The following KIAA0825 variants were observed in gnomAD, a reference collection of about 807,000 sequenced individuals.
KIAA0825 encodes KIAA0825.
In KIAA0825, 119 loss-of-function variants were observed where a neutral mutation model predicts 147.6. The ratio of observed to expected loss-of-function variants is 0.81; its 90% CI spans 0.69 to 0.94. The LOEUF is 0.94. Among genes scored for constraint, KIAA0825 ranks in the 40% least tolerant of loss-of-function variants. KIAA0825 has a pLI of 0.00. For synonymous variants in KIAA0825, 470 were observed against 518.1 expected (o/e 0.91, Z 1.26); for missense variants, 1,381 against 1,472.7 (o/e 0.94, Z 1.02).
intron 20 of KIAA0825, among the ~76,000 whole-genome samples, chr5:94,308,975 G>A (rs1406712475): frequency 6.6e-6 from 1 of 151,914 alleles, no homozygotes; most frequent in East Asian, 1.9e-4. Flanking sequence ...CCACAATTCA[G>A]TGTGCTCTAT....
chr5:94,280,635 A>G (rs953659298), intron 20 of KIAA0825, among the ~76,000 whole-genome samples: 1 of 152,022 alleles, frequency 6.6e-6, no homozygotes, highest in Non-Finnish European at 1.5e-5. Context: ...TATCAGTGCT[A>G]CTATATCTGA....
intron 2 of KIAA0825, among the ~76,000 whole-genome samples, chr5:94,549,590 G>A (rs1471787047): frequency 6.6e-6 from 1 of 152,130 alleles, no homozygotes; most frequent in Non-Finnish European, 1.5e-5. Flanking sequence ...GCAGGTGCCT[G>A]CAATCCCAGC....
At chr5:94,588,929 C>T (rs926300707) in intron 1 of KIAA0825, among the ~76,000 whole-genome samples, 5 of 152,074 alleles carry the variant, frequency 3.3e-5, no homozygotes, top group African/African-American at 1.2e-4. Flanking sequence ...GACAGAAAAC[C>T]AAACACTGCA....
intron 20 of KIAA0825, among the ~76,000 whole-genome samples, chr5:94,338,431 G>A (rs1300707514): frequency 6.6e-6 from 1 of 152,150 alleles, no homozygotes; most frequent in African/African-American, 2.4e-5. Flanking sequence ...TACTTTATGT[G>A]TGTATGTGTG....
chr5:94,530,956 A>G (rs922126487), intron 3 of KIAA0825, among the ~76,000 whole-genome samples: 1 of 152,214 alleles, frequency 6.6e-6, no homozygotes, highest in Non-Finnish European at 1.5e-5. Context: ...AACTTTTGTT[A>G]TAACAATTTA....
intron 5 of KIAA0825, among the ~76,000 whole-genome samples, chr5:94,515,583 G>A (rs1332350105): frequency 6.6e-6 from 1 of 152,074 alleles, no homozygotes; most frequent in Non-Finnish European, 1.5e-5. Flanking sequence ...CCTGAGGTAA[G>A]GAGTTTGAGA....
At chr5:94,192,770 C>G (rs895600688) in intron 20 of KIAA0825, among the ~76,000 whole-genome samples, 1 of 152,138 alleles carries the variant, frequency 6.6e-6, no homozygotes, top group African/African-American at 2.4e-5. Context: ...CTAGCCACAG[C>G]GGTTATTTCC....
At chr5:94,165,982 G>A (rs1767993319) in intron 20 of KIAA0825, among the ~76,000 whole-genome samples, 1 of 152,150 alleles carries the variant, frequency 6.6e-6, no homozygotes, top group African/African-American at 2.4e-5. Context: ...AACCTTAATT[G>A]TACATTTTAA....
chr5:94,425,265 C>T (rs994058516), intron 14 of KIAA0825, among the ~76,000 whole-genome samples: 7 of 152,054 alleles, frequency 4.6e-5, no homozygotes, highest in African/African-American at 1.4e-4. Flanking sequence ...TCCAACAGCA[C>T]ATCAAAAAAA....
intron 20 of KIAA0825, among the ~76,000 whole-genome samples, chr5:94,277,707 G>A (rs966883321): frequency 2.6e-5 from 4 of 152,126 alleles, no homozygotes; most frequent in African/African-American, 7.2e-5. Flanking sequence ...ACAATGTGGC[G>A]ATTCCTCAAG....
chr5:94,539,154 T>C (rs189792777), intron 2 of KIAA0825, among the ~76,000 whole-genome samples: 201 of 152,274 alleles, frequency 1.3e-3, no homozygotes, highest in African/African-American at 4.7e-3. Context: ...TCAGTTGTCC[T>C]CACTGCTACA....
chr5:94,218,686 T>C (rs1773414020), intron 20 of KIAA0825, among the ~76,000 whole-genome samples: 1 of 152,180 alleles, frequency 6.6e-6, no homozygotes, highest in Non-Finnish European at 1.5e-5. Flanking sequence ...GAGTGCCTTG[T>C]CCATGAACTT....
Position 94,452,953 on chromosome 5 carries a change from T to C in KIAA0825, c.2357+6A>G. The stretch of plus-strand genomic sequence containing the variant: ...TATAGATAGTATGGCATTTAGAGGC[T>C]CTCACCTGAGTAAAGAAGGGTAGAA... On this transcript the variant is annotated splice_donor_region_variant and intron_variant, in intron 13 of 20. Coordinates refer to ENST00000682413, the MANE Select transcript of KIAA0825 (RefSeq NM_001145678.3). The C allele has an allele frequency of 2.1e-6, 3 of 1,412,486 alleles. No individual in the cohort carries two copies. Among genetic ancestry groups the C allele is most frequent in the Non-Finnish European group, 2.9e-6 (3 of 1,052,480 alleles). 87.5% of individuals were successfully genotyped at this position (1,412,486 alleles called of 1,614,324 possible).
At chr5:94,463,365 G>A (rs1174850104) in intron 11 of KIAA0825, among the ~76,000 whole-genome samples, 1 of 148,324 alleles carries the variant, frequency 6.7e-6, no homozygotes, top group African/African-American at 2.5e-5. Flanking sequence ...ATGACATTTT[G>A]GTCTCAAATT....
chr5:94,205,450 C>T (rs902756875), intron 20 of KIAA0825, among the ~76,000 whole-genome samples: 7 of 151,268 alleles, frequency 4.6e-5, no homozygotes, highest in Non-Finnish European at 1.0e-4. Context: ...TACAGGTGCC[C>T]ACCACCACTT....
intron 20 of KIAA0825, among the ~76,000 whole-genome samples, chr5:94,357,357 C>A (rs1455575369): frequency 1.3e-5 from 2 of 151,554 alleles, no homozygotes; most frequent in African/African-American, 2.4e-5. Flanking sequence ...AGTAAATAAG[C>A]ATAAGAAAAA....
chr5:94,257,746 C>T (rs1013355837), intron 20 of KIAA0825, among the ~76,000 whole-genome samples: 1 of 151,982 alleles, frequency 6.6e-6, no homozygotes, highest in African/African-American at 2.4e-5. Context: ...TCTAAAAGGA[C>T]GTGATATTCT....
chr5:94,303,208 A>G (rs1562360089), intron 20 of KIAA0825, among the ~76,000 whole-genome samples: 2 of 152,060 alleles, frequency 1.3e-5, no homozygotes, highest in East Asian at 3.9e-4. Flanking sequence ...GAAATTTTCT[A>G]AATCTTTTCA....
Position 94,591,423 on chromosome 5 carries a change from A to C in KIAA0825, c.-152-8840T>G, listed in dbSNP as rs550032923. 4.1e-4 allele frequency among the ~76,000 whole-genome samples: 63 copies of C among 152,338 alleles called. 1 individual carries two copies. In the South Asian group the frequency reaches 8.5e-3, roughly 21 times the overall value. ...TGGGTAAAGGGAAATAAATGCAAGA[A>C]ATGATATGCTTCAAGACATGAATTA... On this transcript the variant is annotated intron_variant, in intron 1 of 20. Transcript: ENST00000682413.
Sources: allele counts gnomAD v4.1 joint callset (sites outside exome capture counted in the v4.1 genomes callset), GRCh38; gene constraint gnomAD v4.1.1; transcripts MANE v1.5; gene names NCBI Gene and HGNC (gene_info 2026-07-23, HGNC 2026-07-21).